The following PTPRG variants were observed in gnomAD, a reference collection of about 807,000 sequenced individuals.
PTPRG encodes protein tyrosine phosphatase receptor type G, also known as receptor-type tyrosine-protein phosphatase gamma.
A neutral mutation model predicts 165.3 loss-of-function variants in PTPRG; 102 were observed. The observed-to-expected ratio is 0.62, with a 90% confidence interval of 0.53 to 0.73. PTPRG has a LOEUF of 0.73. Ranked by LOEUF, PTPRG falls within the 30% of genes least tolerant of loss-of-function variation. The pLI is 0.00. For missense variants in PTPRG, 1,866 were observed against 1,861.4 expected, an observed-to-expected ratio of 1.00 and a Z score of -0.05; for synonymous variants, 675 against 669.5, an observed-to-expected ratio of 1.01 and a Z score of -0.13.
chr3:61,843,959 C>T (rs2107340847), intron 2 of PTPRG, among the ~76,000 whole-genome samples: 1 of 134,120 alleles, frequency 7.5e-6, no homozygotes, highest in South Asian at 2.3e-4. Context: ...TCACATTTTA[C>T]AACTCTTTTT....
At chr3:61,822,615 C>G (rs1458546332) in intron 2 of PTPRG, among the ~76,000 whole-genome samples, 1 of 152,196 alleles carries the variant, frequency 6.6e-6, no homozygotes, top group Non-Finnish European at 1.5e-5. Context: ...AGGAAAGGAG[C>G]TACATCCTTT....
At chr3:61,723,796 C>T (rs111476347) in intron 1 of PTPRG, among the ~76,000 whole-genome samples, 1,662 of 152,278 alleles carry the variant, frequency 0.011, 22 homozygotes, top group South Asian at 0.029. Flanking sequence ...GTAACCACTG[C>T]TGAAGTCCAG....
Position 61,562,146 on chromosome 3 carries a change from A to C in PTPRG, c.-142A>C. ...CGGCGGCTTCCCGGATTCCAAGGGG[A>C]CTCGGGCCGCCGAGCGCGGGGGGCC... On this transcript the variant is annotated 5_prime_UTR_variant, in exon 1 of 30. Transcript: ENST00000474889. 31 of 516,980 alleles carry C rather than the reference A, an allele frequency of 6.0e-5. No individual in the cohort carries two copies. Among genetic ancestry groups the C allele is most frequent in the Non-Finnish European group, 5.6e-5 (16 of 285,976 alleles). 32.0% of individuals were successfully genotyped at this position (516,980 alleles called of 1,614,324 possible). A position where few individuals can be genotyped will look rare whatever the true frequency, so the allele number is the denominator to read the frequency against.
intron 2 of PTPRG, among the ~76,000 whole-genome samples, chr3:61,858,732 G>A (rs2037181500): frequency 1.3e-5 from 2 of 152,032 alleles, no homozygotes; most frequent in South Asian, 4.1e-4. Flanking sequence ...TGAAAATAGG[G>A]CAGCTCAATG....
chr3:61,936,383 C>G (rs1402199410), intron 2 of PTPRG, among the ~76,000 whole-genome samples: 2 of 152,212 alleles, frequency 1.3e-5, no homozygotes, highest in African/African-American at 2.4e-5. Flanking sequence ...ATCCAGAACT[C>G]ATGCTCTTGA....
chr3:61,660,735 C>T (rs1702634304), intron 1 of PTPRG, among the ~76,000 whole-genome samples: 2 of 152,174 alleles, frequency 1.3e-5, no homozygotes, highest in Non-Finnish European at 2.9e-5. Flanking sequence ...GATGCGTTGG[C>T]TCACGCCTGT....
intron 8 of PTPRG, 82 bp downstream of exon 8, chr3:62,168,245 C>T (rs1705075162): frequency 1.5e-6 from 2 of 1,341,000 alleles, no homozygotes; most frequent in Non-Finnish European, 1.0e-6. Flanking sequence ...CAAAGCCAGC[C>T]AGGAATTGGG....
intron 2 of PTPRG, among the ~76,000 whole-genome samples, chr3:61,762,149 G>C (rs1459936768): frequency 3.3e-5 from 5 of 152,098 alleles, no homozygotes; most frequent in African/African-American, 9.7e-5. Flanking sequence ...TAAGTACATG[G>C]TCCACACTCT....
chr3:61,912,042 A>G (rs2038814299), intron 2 of PTPRG, among the ~76,000 whole-genome samples: 1 of 152,184 alleles, frequency 6.6e-6, no homozygotes, highest in South Asian at 2.1e-4. Flanking sequence ...TAATGTAATT[A>G]AATCTTTTCT....
intron 2 of PTPRG, among the ~76,000 whole-genome samples, chr3:61,789,071 C>A (rs1036133422): frequency 6.6e-6 from 1 of 151,978 alleles, no homozygotes; most frequent in African/African-American, 2.4e-5. Flanking sequence ...TGTCTAGTTT[C>A]TTTTCTCTTC....
At chr3:61,890,412 G>GTTTTTTTTTTTTTTTTTTTTTTTTTT (rs1388100597) in intron 2 of PTPRG, among the ~76,000 whole-genome samples, 12 of 95,428 alleles carry the variant, frequency 1.3e-4, no homozygotes, top group Non-Finnish European at 1.8e-4. Flanking sequence ...CTTGTTCTTT[G>GTTTTTTTTTTTTTTTTTTTTTTTTTT]TTTTTTTTTT....
intron 1 of PTPRG, among the ~76,000 whole-genome samples, chr3:61,591,204 G>A (rs1177174875): frequency 2.0e-5 from 3 of 152,206 alleles, no homozygotes; most frequent in South Asian, 4.1e-4. Flanking sequence ...TATTTGTTTA[G>A]GGTCAATACA....
At chr3:61,822,998 G>T (rs1384156661) in intron 2 of PTPRG, among the ~76,000 whole-genome samples, 1 of 152,154 alleles carries the variant, frequency 6.6e-6, no homozygotes, top group Non-Finnish European at 1.5e-5. Context: ...CACTCTGACT[G>T]GGGGCCAACA....
At chr3:61,732,798 A>C (rs1446404304) in intron 1 of PTPRG, among the ~76,000 whole-genome samples, 1 of 152,196 alleles carries the variant, frequency 6.6e-6, no homozygotes, top group African/African-American at 2.4e-5. Flanking sequence ...CGGACAGCAC[A>C]ATTTGGAAGG....
chr3:61,838,431 C>T (rs965362767), intron 2 of PTPRG, among the ~76,000 whole-genome samples: 1 of 152,124 alleles, frequency 6.6e-6, no homozygotes, highest in Admixed American at 6.6e-5. Flanking sequence ...ATTTAACCTC[C>T]CTGAAGTTTC....
intron 1 of PTPRG, among the ~76,000 whole-genome samples, chr3:61,660,566 T>A (rs1439459589): frequency 6.6e-6 from 1 of 152,216 alleles, no homozygotes; most frequent in Non-Finnish European, 1.5e-5. Flanking sequence ...TCCCTGAGCC[T>A]CAGTTTCTCA....
At chr3:61,960,044 A>G (rs1232460980) in intron 2 of PTPRG, among the ~76,000 whole-genome samples, 12 of 151,436 alleles carry the variant, frequency 7.9e-5, no homozygotes, top group Non-Finnish European at 1.5e-4. Flanking sequence ...CTTACGTGCC[A>G]CCTTCTCAGG....
intron 12 of PTPRG, among the ~76,000 whole-genome samples, chr3:62,207,546 G>A (rs1473172975): frequency 1.3e-5 from 2 of 152,116 alleles, no homozygotes; most frequent in Admixed American, 6.6e-5. Flanking sequence ...GTGTACATTT[G>A]CTTTAAATCT....
chr3:61,703,550 A>T (rs1285043528), intron 1 of PTPRG, among the ~76,000 whole-genome samples: 1 of 152,242 alleles, frequency 6.6e-6, no homozygotes, highest in South Asian at 2.1e-4. Flanking sequence ...GTATCTTTTC[A>T]TGCTCCCTTG....
Sources: gnomAD v4.1 joint callset for allele counts (sites outside exome capture counted in the v4.1 genomes callset) on GRCh38, gnomAD v4.1.1 for gene constraint, MANE v1.5 for transcripts, NCBI Gene and HGNC (gene_info 2026-07-23, HGNC 2026-07-21) for gene names.